The following TXLNA variants were observed in gnomAD, a reference collection of about 807,000 sequenced individuals.
TXLNA encodes the protein taxilin alpha, also known as alpha-taxilin.
TXLNA carries 9 observed loss-of-function variants against 61.4 expected under a neutral mutation model. That is an observed-to-expected ratio of 0.15 (90% CI 0.09 to 0.26). TXLNA has a LOEUF of 0.26. TXLNA is among the 10% of genes least tolerant of loss of function. The pLI, the probability that TXLNA is intolerant of heterozygous loss-of-function variation, is 1.00. For synonymous variants in TXLNA, 257 were observed against 267.7 expected, an observed-to-expected ratio of 0.96 and a Z score of 0.39; for missense variants, 565 against 688.8, an observed-to-expected ratio of 0.82 and a Z score of 2.01.
At chr1:32,180,282 C>T (rs1642624335) in intron 1 of TXLNA, 32 bp from the exon 2 acceptor site, 1 of 1,518,766 alleles carries the variant, frequency 6.6e-7, no homozygotes, top group Non-Finnish European at 8.8e-7. Flanking sequence ...ATTTCGAAGT[C>T]TGGAAAATAG....
intron 4 of TXLNA, 39 bp downstream of exon 4, chr1:32,184,655 G>A: frequency 1.4e-6 from 2 of 1,458,932 alleles, no homozygotes; most frequent in Non-Finnish European, 1.9e-6. Flanking sequence ...CCTGCGTTGG[G>A]AAAATCAGCA....
intron 10 of TXLNA, 27 bp downstream of exon 10, chr1:32,194,187 G>T (rs772366630): frequency 1.3e-6 from 2 of 1,595,956 alleles, no homozygotes; most frequent in Non-Finnish European, 1.7e-6. Flanking sequence ...CTGCAGCCAG[G>T]GTGGGGGTGT....
At chr1:32,186,634 A>G (rs1324074139) in intron 4 of TXLNA, among the ~76,000 whole-genome samples, 1 of 152,164 alleles carries the variant, frequency 6.6e-6, no homozygotes, top group East Asian at 1.9e-4. Flanking sequence ...GGAGAGTGGA[A>G]GGATGGTTGA....
chr1:32,195,539 T>G lies in TXLNA; in HGVS notation c.*344T>G. The G allele has an allele frequency of 2.3e-6, 1 of 437,104 alleles. No homozygotes were observed. The highest frequency in any genetic ancestry group is 4.3e-6 in the Non-Finnish European group (1 of 233,490). 27.1% of individuals were successfully genotyped at this position (437,104 alleles called of 1,614,324 possible). On this transcript the variant is annotated 3_prime_UTR_variant, in exon 11 of 11. Coordinates refer to ENST00000373610, the MANE Select transcript of TXLNA (RefSeq NM_175852.4). ...GAGTTGGCAGAAGTGACTTGAGCAT[T>G]TCTCTGTCTGATTTGAGGCTCAGAC...
chr1:32,192,701 G>GA lies in TXLNA; in HGVS notation c.1130dup (p.Gln378AlafsTer18). 6.2e-7 allele frequency: 1 copy of GA among 1,614,210 alleles called. No homozygotes were observed. The highest frequency in any genetic ancestry group is 8.5e-7 in the Non-Finnish European group (1 of 1,180,034). ...AGTCCCAGAGGATGTGTGAGCTGAT[G>GA]AAGCAGCAAGAGACCCACCTGAAGC... On this transcript the variant is annotated frameshift_variant, in exon 8 of 11. Coordinates refer to ENST00000373610, the MANE Select transcript of TXLNA (RefSeq NM_175852.4). LOFTEE classifies it high-confidence loss of function. The surrounding 1 kb of genome is among the most constrained non-coding windows in gnomAD (Gnocchi z 4.2).
chr1:32,180,455 C>G lies in TXLNA; in HGVS notation c.110C>G (p.Ala37Gly). 1.2e-6 allele frequency: 2 copies of G among 1,612,908 alleles called. No homozygotes were observed. The highest frequency in any genetic ancestry group is 1.7e-6 in the Non-Finnish European group (2 of 1,179,462). ...PEGAQERPSQ[A>G]APAVEAEGPG... ...GGAGCCCAGGAGCGGCCCAGCCAGG[C>G]GGCTCCTGCAGTAGAAGCAGAAGGT... Residue 37 changes from alanine to glycine, a missense_variant, in exon 2 of 11, where the codon GCG (alanine) becomes GGG (glycine). Ala to Gly is a moderately conservative substitution (Grantham distance 60, BLOSUM62 0). Around this residue, in one of 2 missense-constraint regions of TXLNA, gnomAD observed 192 missense variants for 184.8 expected, o/e 1.04. Coordinates refer to ENST00000373610, the MANE Select transcript of TXLNA (RefSeq NM_175852.4).
chr1:32,187,993 C>T lies in TXLNA; in HGVS notation c.637C>T (p.Leu213=). 1.2e-6 allele frequency: 2 copies of T among 1,613,898 alleles called. No individual in the cohort carries two copies. Among genetic ancestry groups the T allele is most frequent in the South Asian group, 1.1e-5 (1 of 90,996 alleles). The change falls in exon 5 of 11, where the codon CTA becomes TTA. Residue 213 remains leucine (L), a synonymous_variant. Transcript: ENST00000373610. ...HRNSQKQMKL[L]QKKQSQLVQE... ...GAATTCACAGAAGCAGATGAAGCTC[C>T]TACAGAAAAAGCAGAGCCAGCTGGT...
chr1:32,187,837 C>A, intron 4 of TXLNA, 117 bp from the exon 5 acceptor site: 1 of 1,158,446 alleles, frequency 8.6e-7, no homozygotes, highest in Non-Finnish European at 1.2e-6. Context: ...TGAGAGTGCT[C>A]CTGGCCTGAG....
intron 3 of TXLNA, among the ~76,000 whole-genome samples, chr1:32,182,661 CAAA>C (rs781479181): frequency 2.3e-5 from 2 of 88,356 alleles, no homozygotes; most frequent in Non-Finnish European, 2.4e-5. Flanking sequence ...AACTCTGTCT[CAAA>C]AAAAAAAAAA....
In TXLNA at chr1:32,192,871, C is replaced by T. The variant is rs1364431293; in HGVS notation, c.1158+140C>T. On this transcript the variant is annotated intron_variant, in intron 8 of 10. Transcript: ENST00000373610. The surrounding 1 kb of genome is among the most constrained non-coding windows in gnomAD (Gnocchi z 4.2). ...GCCTTGGTTGAGCCTTTGTTCTCTC[C>T]GGACCTGCACAGTACCTATGTGGTG... The T allele has an allele frequency of 2.2e-5, 18 of 821,048 alleles. No individual in the cohort carries two copies. The highest frequency in any genetic ancestry group is 3.4e-5 in the African/African-American group (2 of 58,690). The allele number at this position is 821,048 out of a possible 1,614,324, so 50.9% of individuals were successfully genotyped here. A position where few individuals can be genotyped will look rare whatever the true frequency, so the allele number is the denominator to read the frequency against.
chr1:32,180,207 C>G (rs1010677501), intron 1 of TXLNA, 107 bp from the exon 2 acceptor site: 3 of 1,212,208 alleles, frequency 2.5e-6, no homozygotes, highest in Admixed American at 3.2e-5. Flanking sequence ...CCGGGCCTGC[C>G]GGTCCGTTTA....
chr1:32,185,073 TCTAG>T (rs1642752753), intron 4 of TXLNA, among the ~76,000 whole-genome samples: 1 of 152,260 alleles, frequency 6.6e-6, no homozygotes, highest in Non-Finnish European at 1.5e-5. Flanking sequence ...GATGCCCCCT[TCTAG>T]CTTTGTCATC....
chr1:32,182,652 A>G (rs1295077645), intron 3 of TXLNA, among the ~76,000 whole-genome samples: 3 of 144,694 alleles, frequency 2.1e-5, no homozygotes, highest in Non-Finnish European at 3.0e-5. Context: ...CAAGAGTGAA[A>G]CTCTGTCTCA....
intron 1 of TXLNA, chr1:32,180,062 G>T: frequency 3.5e-6 from 1 of 282,246 alleles, no homozygotes; most frequent in Non-Finnish European, 6.7e-6. Context: ...GAGGGGGCCG[G>T]TTGTGCCGGG....
Position 32,194,088 on chromosome 1 carries a change from G to A in TXLNA, c.1275G>A (p.Leu425=). The change falls in exon 10 of 11, where the codon CTG becomes CTA. Residue 425 remains leucine (L), a synonymous_variant. Coordinates refer to ENST00000373610, the MANE Select transcript of TXLNA (RefSeq NM_175852.4). The stretch of plus-strand genomic sequence containing the variant: ...AGATGACTAAGAAGATCAAGAAGCT[G>A]GAGAAAGAAACCACCATGTACCGGT... ...MEKMTKKIKK[L]EKETTMYRSR... 1 of 1,613,658 alleles carries A rather than the reference G, an allele frequency of 6.2e-7. No homozygotes were observed. Among genetic ancestry groups the A allele is most frequent in the Non-Finnish European group, 8.5e-7 (1 of 1,179,830 alleles).
intron 6 of TXLNA, 137 bp downstream of exon 6, chr1:32,190,386 A>C: frequency 1.2e-6 from 1 of 850,202 alleles, no homozygotes; most frequent in South Asian, 2.1e-5. Flanking sequence ...GAGGAGAGTA[A>C]TGTTATTCCT....
At chr1:32,193,878 G>A (rs1455554637) in intron 9 of TXLNA, among the ~76,000 whole-genome samples, 187 bp from the exon 10 acceptor site, 1 of 152,136 alleles carries the variant, frequency 6.6e-6, no homozygotes, top group Non-Finnish European at 1.5e-5. Flanking sequence ...CTTGTTATTG[G>A]TGGTGGACAC....
chr1:32,186,389 C>T (rs1051136714), intron 4 of TXLNA, among the ~76,000 whole-genome samples: 10 of 152,130 alleles, frequency 6.6e-5, no homozygotes, highest in Middle Eastern at 3.4e-3. Context: ...TTGATGAGAA[C>T]GATGAAATAG....
chr1:32,194,683 T>C (rs1049764456), intron 10 of TXLNA, among the ~76,000 whole-genome samples: 1 of 152,122 alleles, frequency 6.6e-6, no homozygotes, highest in Non-Finnish European at 1.5e-5. Flanking sequence ...ACGTGGTAGA[T>C]AAATGGAGGA....
Sources: allele counts gnomAD v4.1 joint callset (sites outside exome capture counted in the v4.1 genomes callset), GRCh38; gene constraint gnomAD v4.1.1; regional missense constraint gnomAD v4.1.1; non-coding constraint Gnocchi (gnomAD v3.1); transcripts MANE v1.5; gene names NCBI Gene and HGNC (gene_info 2026-07-23, HGNC 2026-07-21).